ASCC2: variants seen among roughly 807,000 people sequenced by gnomAD.
ASCC2 encodes the protein activating signal cointegrator 1 complex subunit 2.
In ASCC2, 42 loss-of-function variants were observed where a neutral mutation model predicts 93.5. The ratio of observed to expected loss-of-function variants is 0.45; its 90% confidence interval spans 0.35 to 0.58. The LOEUF is 0.58. Ranked by LOEUF, ASCC2 falls within the 20% of genes least tolerant of loss-of-function variation. The pLI is 0.00. For synonymous variants in ASCC2, 364 were observed against 384.2 expected (o/e 0.95, Z 0.62); for missense variants, 859 against 977.6 (o/e 0.88, Z 1.62).
intron 1 of ASCC2, among the ~76,000 whole-genome samples, chr22:29,833,239 C>A (rs1364999959): frequency 6.6e-6 from 1 of 152,158 alleles, no homozygotes; most frequent in Admixed American, 6.5e-5. Context: ...ACAGAGGTGG[C>A]CTCACCAAAT....
At chr22:29,835,045 C>T (rs1602318948) in intron 1 of ASCC2, among the ~76,000 whole-genome samples, 1 of 152,108 alleles carries the variant, frequency 6.6e-6, no homozygotes, top group East Asian at 1.9e-4. Flanking sequence ...AGTCTCCACC[C>T]TTTAACCTCT....
intron 8 of ASCC2, 25 bp from the exon 9 acceptor site, chr22:29,808,210 T>C (rs1245181313): frequency 3.1e-6 from 5 of 1,611,858 alleles, no homozygotes; most frequent in Non-Finnish European, 1.7e-6. Flanking sequence ...ACAGGGAAAA[T>C]GTTGGATTAG....
intron 8 of ASCC2, 48 bp downstream of exon 8, chr22:29,813,382 G>A (rs2060494633): frequency 1.6e-6 from 2 of 1,270,032 alleles, no homozygotes; most frequent in Non-Finnish European, 2.3e-6. Flanking sequence ...TGTTAAATTA[G>A]TACATAAGCC....
At chr22:29,815,215 T>C (rs2060697465) in intron 6 of ASCC2, 1 of 178,032 alleles carries the variant, frequency 5.6e-6, no homozygotes, top group Non-Finnish European at 1.2e-5. Flanking sequence ...GAGGATCAAC[T>C]GAGCCCAGGA....
At position 29,838,228 on chromosome 22, in the gene ASCC2, G is replaced by C. The variant is rs1568973124; in HGVS notation, c.-68C>G. On this transcript the variant is annotated 5_prime_UTR_variant, in exon 1 of 20. Coordinates refer to ENST00000307790, the MANE Select transcript of ASCC2 (RefSeq NM_032204.5). ...TGCCGCCGCCGCCGCCGCCGCCGCC[G>C]ACCACGGTGACAGCTCCCTGAGCGC... 4 of 465,436 alleles carry C rather than the reference G, an allele frequency of 8.6e-6. No individual in the cohort carries two copies. Among genetic ancestry groups the C allele is most frequent in the Admixed American group, 2.4e-5 (1 of 42,514 alleles). The allele number at this position is 465,436 out of a possible 1,614,324, so 28.8% of individuals were successfully genotyped here.
At chr22:29,832,442 C>T (rs989374786) in intron 1 of ASCC2, 100 bp from the exon 2 acceptor site, 8 of 924,016 alleles carry the variant, frequency 8.7e-6, no homozygotes, top group African/African-American at 5.0e-5. Flanking sequence ...GAAGCTTCAA[C>T]CTCTCGCCTT....
At chr22:29,833,009 G>A (rs2063350212) in intron 1 of ASCC2, among the ~76,000 whole-genome samples, 1 of 152,138 alleles carries the variant, frequency 6.6e-6, no homozygotes, top group African/African-American at 2.4e-5. Context: ...TGATCCTCCT[G>A]TCTTGGCCTC....
In ASCC2 at chr22:29,800,984, C is replaced by T. The variant is rs372836753; in HGVS notation, c.1688+7G>A. On this transcript the variant is annotated splice_region_variant and intron_variant, in intron 15 of 19. Coordinates refer to ENST00000307790, the MANE Select transcript of ASCC2 (RefSeq NM_032204.5). Reference sequence around the variant, plus strand: ...GGTATCGGAACCCCATGGCCCACTGCACTCACCTCTTGCCCTTGTGCACCC... The same window carrying T: ...GGTATCGGAACCCCATGGCCCACTGTACTCACCTCTTGCCCTTGTGCACCC... 3.2e-6 allele frequency: 5 copies of T among 1,585,924 alleles called. No individual in the cohort carries two copies. The highest frequency in any genetic ancestry group is 4.3e-6 in the Non-Finnish European group (5 of 1,158,260).
In ASCC2 at chr22:29,808,103, C is replaced by T. The variant is rs542774835; in HGVS notation, c.908+8G>A. 70 of 1,614,110 alleles carry T rather than the reference C, an allele frequency of 4.3e-5. 1 individual carries two copies. In the South Asian group the frequency reaches 6.5e-4, roughly 15 times the overall value. On this transcript the variant is annotated splice_region_variant and intron_variant, in intron 9 of 19. Transcript: ENST00000307790. ...ACAACAACATTCTTAATTTTGTCCC[C>T]GCCTCACTTGCTATCTTCAAGCCTC...
At chr22:29,834,636 C>T (rs1360144216) in intron 1 of ASCC2, 1 of 450,104 alleles carries the variant, frequency 2.2e-6, no homozygotes, top group Non-Finnish European at 4.6e-6. Context: ...AGATAATATC[C>T]TCTGCTGCAC....
rs774269227 is a variant in ASCC2 at position 29,801,011 on chromosome 22, G to A, written c.1668C>T (p.Ser556=). 1.9e-6 allele frequency: 3 copies of A among 1,597,376 alleles called. No homozygotes were observed. The highest frequency in any genetic ancestry group is 2.6e-6 in the Non-Finnish European group (3 of 1,167,144). ...CTCACCTCTTGCCCTTGTGCACCCG[G>A]CTCAGGTCTACTGAGTCCCTGCTGA... is the stretch of plus-strand genomic sequence containing the variant. ...DVFSRDSVDL[S]RVHKGKSTRK... is the part of the protein sequence containing the mutation. Residue 556 remains serine (S), a synonymous_variant, in exon 15 of 20, where the codon AGC becomes AGT. Transcript: ENST00000307790.
intron 8 of ASCC2, among the ~76,000 whole-genome samples, chr22:29,813,199 A>T (rs2060475267): frequency 6.6e-6 from 1 of 151,648 alleles, no homozygotes; most frequent in African/African-American, 2.4e-5. Context: ...GTGTGTGTGT[A>T]TTTTTTTTCC....
intron 1 of ASCC2, among the ~76,000 whole-genome samples, chr22:29,835,269 A>T (rs891591450): frequency 1.3e-5 from 2 of 151,852 alleles, no homozygotes; most frequent in African/African-American, 4.8e-5. Flanking sequence ...GTGGTGGTGC[A>T]CTCCTGTAGT....
intron 12 of ASCC2, among the ~76,000 whole-genome samples, chr22:29,805,998 C>T (rs895688852): frequency 1.3e-5 from 2 of 151,966 alleles, no homozygotes; most frequent in South Asian, 2.1e-4. Context: ...GAAACACAGA[C>T]GGAAAATAGC....
chr22:29,802,546 A>C (rs2059209618), intron 13 of ASCC2, among the ~76,000 whole-genome samples: 1 of 152,188 alleles, frequency 6.6e-6, no homozygotes, highest in African/African-American at 2.4e-5. Flanking sequence ...CATACCTATA[A>C]TCCCAGCACT....
At chr22:29,833,460 G>A (rs1395122688) in intron 1 of ASCC2, 3 of 383,332 alleles carry the variant, frequency 7.8e-6, no homozygotes, top group Non-Finnish European at 1.6e-5. Flanking sequence ...GAAGGACGTG[G>A]AAAAAGAGAA....
At chr22:29,834,852 A>AT (rs1044333953) in intron 1 of ASCC2, among the ~76,000 whole-genome samples, 2 of 151,536 alleles carry the variant, frequency 1.3e-5, no homozygotes, top group Admixed American at 6.6e-5. Context: ...AATAATAATA[A>AT]TTTTTTTTTC....
At chr22:29,808,809 CAAAA>C (rs564026837) in intron 8 of ASCC2, among the ~76,000 whole-genome samples, 2 of 104,582 alleles carry the variant, frequency 1.9e-5, no homozygotes, top group Non-Finnish European at 2.1e-5. Flanking sequence ...GACCCTATCT[CAAAA>C]AAAAAAAAAA....
At chr22:29,797,566 T>C (rs1274640332) in intron 15 of ASCC2, among the ~76,000 whole-genome samples, 2 of 152,214 alleles carry the variant, frequency 1.3e-5, no homozygotes, top group Non-Finnish European at 2.9e-5. Flanking sequence ...TTAACCTCGC[T>C]AAGTCTCAGT....
Sources: gnomAD v4.1 joint callset for allele counts (sites outside exome capture counted in the v4.1 genomes callset) on GRCh38, gnomAD v4.1.1 for gene constraint, MANE v1.5 for transcripts, NCBI Gene and HGNC (gene_info 2026-07-23, HGNC 2026-07-21) for gene names.